CFAP299: variants seen among roughly 807,000 people sequenced by gnomAD.
The protein encoded by CFAP299 is cilia and flagella associated protein 299, also known as cilia- and flagella-associated protein 299.
In CFAP299, 21 loss-of-function variants were observed where a neutral mutation model predicts 27.0. That is an observed-to-expected ratio of 0.78 (90% CI 0.55 to 1.12). The LOEUF (loss-of-function observed/expected upper bound fraction) is 1.12. Among genes scored for constraint, CFAP299 ranks in the 50% most tolerant of loss-of-function variants. The pLI is 0.00. For synonymous variants in CFAP299, 104 were observed against 98.1 expected, an observed-to-expected ratio of 1.06 and a Z score of -0.36; for missense variants, 310 against 276.6, an observed-to-expected ratio of 1.12 and a Z score of -0.86.
intron 2 of CFAP299, chr4:80,386,297 C>T (rs2110025813): frequency 1.6e-6 from 2 of 1,264,582 alleles, no homozygotes; most frequent in Non-Finnish European, 2.3e-6. Flanking sequence ...CAGGTACCAC[C>T]AGCTCAGATT....
At chr4:80,649,136 G>C (rs998149512) in intron 3 of CFAP299, 1 of 152,228 alleles carries the variant, frequency 6.6e-6, no homozygotes, top group Non-Finnish European at 1.5e-5. Flanking sequence ...AGGGCGATAG[G>C]AGGAGAGCAG....
chr4:80,386,664 C>T (rs1725023553), intron 2 of CFAP299: 12 of 1,588,716 alleles, frequency 7.6e-6, no homozygotes, highest in South Asian at 1.1e-5. Flanking sequence ...CGCAGGTGCT[C>T]GGCGAGGTGG....
intron 2 of CFAP299, among the ~76,000 whole-genome samples, chr4:80,433,436 A>C (rs960940590): frequency 2.6e-5 from 4 of 152,290 alleles, no homozygotes; most frequent in South Asian, 4.1e-4. Context: ...AATAGAAAGA[A>C]TACTTTACCT....
intron 2 of CFAP299, among the ~76,000 whole-genome samples, chr4:80,564,106 A>G (rs187192171): frequency 4.1e-4 from 63 of 152,194 alleles, no homozygotes; most frequent in Non-Finnish European, 6.3e-4. Context: ...CAAACATTTA[A>G]GAAGAGTTAA....
rs143788216 is a variant in CFAP299 at position 80,945,184 on chromosome 4, C to T, written c.606+245C>T. 5.0e-3 allele frequency among the ~76,000 whole-genome samples: 758 copies of T among 152,338 alleles called. 9 individuals are homozygous for T. The highest frequency in any genetic ancestry group is 0.017 in the African/African-American group (710 of 41,576). On this transcript the variant is annotated intron_variant, in intron 5 of 5. Coordinates refer to ENST00000358105, the MANE Select transcript of CFAP299 (RefSeq NM_152770.3). ...AGAACTCACAAGTGGAAACACTTCT[C>T]CATGCCTAGCACAGAATTGCACCAG... is the stretch of plus-strand genomic sequence containing the variant.
intron 2 of CFAP299, among the ~76,000 whole-genome samples, chr4:80,527,468 C>T (rs984023271): frequency 3.3e-5 from 5 of 152,088 alleles, no homozygotes; most frequent in Non-Finnish European, 7.4e-5. Context: ...TAGAATATCA[C>T]TTTCATCATG....
At chr4:80,604,285 TAAAG>T (rs1163723983) in intron 3 of CFAP299, among the ~76,000 whole-genome samples, 1 of 151,916 alleles carries the variant, frequency 6.6e-6, no homozygotes, top group East Asian at 1.9e-4. Context: ...TAGAAAATAA[TAAAG>T]TAAGAGAAAA....
intron 5 of CFAP299, among the ~76,000 whole-genome samples, chr4:80,957,117 T>TAGA (rs1738109702): frequency 6.6e-6 from 1 of 152,212 alleles, no homozygotes; most frequent in East Asian, 1.9e-4. Context: ...AGAATAAGGT[T>TAGA]AGAATCTTCT....
intron 3 of CFAP299, among the ~76,000 whole-genome samples, chr4:80,671,305 C>T (rs933873100): frequency 8.5e-5 from 13 of 152,116 alleles, no homozygotes; most frequent in African/African-American, 2.2e-4. Context: ...GTTGTAGATT[C>T]GTGGTGTTCT....
At chr4:80,689,300 G>A (rs558023177) in intron 3 of CFAP299, among the ~76,000 whole-genome samples, 5 of 151,560 alleles carry the variant, frequency 3.3e-5, no homozygotes, top group South Asian at 4.1e-4. Context: ...GAGAAAGGTC[G>A]GGTTACCCTC....
At chr4:80,933,746 A>G (rs1246145536) in intron 4 of CFAP299, among the ~76,000 whole-genome samples, 2 of 152,130 alleles carry the variant, frequency 1.3e-5, no homozygotes, top group Non-Finnish European at 1.5e-5. Context: ...TTGTTAATGT[A>G]TATAAATGCA....
upstream of CFAP299, among the ~76,000 whole-genome samples, chr4:80,334,050 A>G (rs537022482): frequency 3.9e-5 from 6 of 152,338 alleles, no homozygotes; most frequent in Admixed American, 1.3e-4. Context: ...ATATTAATAG[A>G]GAAGCTGATT....
chr4:80,450,907 G>GTGTGTA (rs1395352525), intron 2 of CFAP299, among the ~76,000 whole-genome samples: 11 of 151,088 alleles, frequency 7.3e-5, no homozygotes, highest in African/African-American at 2.4e-4. Context: ...GTGTGTGTGT[G>GTGTGTA]TGTGAGAGAG....
At chr4:80,462,630 C>T (rs1210532314) in intron 2 of CFAP299, among the ~76,000 whole-genome samples, 2 of 152,016 alleles carry the variant, frequency 1.3e-5, no homozygotes, top group East Asian at 3.9e-4. Flanking sequence ...TTTCTTATGT[C>T]TTCATAGATT....
intron 2 of CFAP299, among the ~76,000 whole-genome samples, chr4:80,482,396 T>G (rs898764549): frequency 6.6e-6 from 1 of 152,126 alleles, no homozygotes; most frequent in Non-Finnish European, 1.5e-5. Flanking sequence ...AACATTATAA[T>G]TCTCCTAAGA....
At chr4:80,564,281 C>T (rs757372069) in intron 2 of CFAP299, among the ~76,000 whole-genome samples, 23 of 151,940 alleles carry the variant, frequency 1.5e-4, no homozygotes, top group Admixed American at 9.2e-4. Flanking sequence ...AAATCCTCAA[C>T]AAAATAGAAG....
At chr4:80,514,700 C>A (rs570751593) in intron 2 of CFAP299, among the ~76,000 whole-genome samples, 5 of 152,188 alleles carry the variant, frequency 3.3e-5, no homozygotes, top group African/African-American at 1.2e-4. Context: ...TCCCTCTTTT[C>A]TCCTGGTTTT....
At chr4:80,373,210 A>G (rs554109214) in intron 2 of CFAP299, among the ~76,000 whole-genome samples, 1 of 152,010 alleles carries the variant, frequency 6.6e-6, no homozygotes, top group Non-Finnish European at 1.5e-5. Flanking sequence ...TCCATTTCTC[A>G]TCTGACCCCC....
At chr4:80,637,936 T>G (rs905505015) in intron 3 of CFAP299, among the ~76,000 whole-genome samples, 4 of 152,174 alleles carry the variant, frequency 2.6e-5, no homozygotes, top group Admixed American at 1.3e-4. Flanking sequence ...CCTAAAATAT[T>G]TAATTTAAAA....
Sources: allele counts gnomAD v4.1 joint callset (sites outside exome capture counted in the v4.1 genomes callset), GRCh38; gene constraint gnomAD v4.1.1; transcripts MANE v1.5; gene names NCBI Gene and HGNC (gene_info 2026-07-23, HGNC 2026-07-21).